Variants in DYSF observed in about 807,000 individuals in gnomAD.
DYSF encodes the protein dystrophy-associated fer-1-like 1.
DYSF carries 212 observed loss-of-function variants against 274.9 expected under a neutral mutation model. The observed-to-expected ratio is 0.77, with a 90% CI of 0.69 to 0.86. The LOEUF (loss-of-function observed/expected upper bound fraction) is 0.86. Ranked by LOEUF, DYSF falls within the 40% of genes least tolerant of loss-of-function variation. DYSF has a pLI of 0.00. For synonymous variants in DYSF, 1,091 were observed against 1,078.7 expected (o/e 1.01, Z -0.22); for missense variants, 2,666 against 2,783.2 (o/e 0.96, Z 0.95).
In DYSF at chr2:71,513,747, GGGACTCACT is replaced by G; in HGVS notation, c.589_597del (p.Leu197_Gly199del). The G allele has an allele frequency of 6.2e-7, 1 of 1,614,158 alleles. No homozygotes were observed. Among genetic ancestry groups the G allele is most frequent in the South Asian group, 1.1e-5 (1 of 91,090 alleles). ...GAGGAGAGGAAGACACAGAGGACCA[GGGACTCACT>G]GGAGATGAGGCGGAGCCATTCCTGG... On this transcript the variant is annotated inframe_deletion, in exon 7 of 56. Coordinates refer to ENST00000410020, the MANE Select transcript of DYSF (RefSeq NM_001130987.2).
rs1408080885 is a variant in DYSF at position 71,551,153 on chromosome 2, C to G, written c.1689C>G (p.Gly563=). The G allele has an allele frequency of 6.2e-7, 1 of 1,614,092 alleles. No individual in the cohort carries two copies. The highest frequency in any genetic ancestry group is 1.7e-5 in the Admixed American group (1 of 60,028). Residue 563 remains glycine (G), a synonymous_variant, in exon 18 of 56, where the codon GGC becomes GGG. Transcript: ENST00000410020. ...ACCCCTACACAGAGCTCAACACAGG[C>G]AAGGTAAGCCGGCTGGAGCCCTGGC... ...FPDPYTELNT[G]KGEGVAYRGR...
At chr2:71,652,839 G>A (rs779910811) in intron 42 of DYSF, among the ~76,000 whole-genome samples, 27 of 152,182 alleles carry the variant, frequency 1.8e-4, no homozygotes, top group Admixed American at 7.9e-4. Flanking sequence ...AAAAGGAGGC[G>A]TGAGCATTTG....
chr2:71,589,101 C>T (rs952853886), intron 30 of DYSF, among the ~76,000 whole-genome samples: 4 of 152,222 alleles, frequency 2.6e-5, no homozygotes, highest in Non-Finnish European at 4.4e-5. Context: ...CTTGCTCACC[C>T]TCAGCAGAGT....
At chr2:71,531,758 G>A (rs1351204041) in intron 14 of DYSF, among the ~76,000 whole-genome samples, 1 of 152,124 alleles carries the variant, frequency 6.6e-6, no homozygotes, top group African/African-American at 2.4e-5. Flanking sequence ...GCTGTGATGT[G>A]TTTTATGGAG....
chr2:71,616,115 CT>C (rs975352530), intron 40 of DYSF, among the ~76,000 whole-genome samples: 1 of 152,194 alleles, frequency 6.6e-6, no homozygotes, highest in African/African-American at 2.4e-5. Context: ...ACCGGAGACC[CT>C]TGCCTGATGT....
At chr2:71,519,668 G>T (rs1477503793) in intron 10 of DYSF, among the ~76,000 whole-genome samples, 1 of 151,766 alleles carries the variant, frequency 6.6e-6, no homozygotes, top group Non-Finnish European at 1.5e-5. Context: ...TTTTGAGACG[G>T]ATTTTTGCTC....
At chr2:71,546,024 G>A (rs900739813) in intron 17 of DYSF, among the ~76,000 whole-genome samples, 2 of 152,134 alleles carry the variant, frequency 1.3e-5, no homozygotes, top group African/African-American at 4.8e-5. Context: ...CTTGATTTAA[G>A]TGGCAGTAAA....
chr2:71,608,597 C>A (rs1574321859), intron 36 of DYSF, among the ~76,000 whole-genome samples: 1 of 152,308 alleles, frequency 6.6e-6, no homozygotes, highest in East Asian at 1.9e-4. Context: ...TGCCTTCTTC[C>A]TCCAGGGCCT....
intron 14 of DYSF, among the ~76,000 whole-genome samples, chr2:71,533,514 T>C (rs1433441942): frequency 6.6e-6 from 1 of 152,232 alleles, no homozygotes; most frequent in Admixed American, 6.5e-5. Context: ...CTGCTTTCCA[T>C]TGGTGGACAC....
chr2:71,463,659 G>A (rs528308290), upstream of DYSF, among the ~76,000 whole-genome samples: 168 of 152,334 alleles, frequency 1.1e-3, 1 homozygote, highest in African/African-American at 3.7e-3. Flanking sequence ...TGTCCATGAT[G>A]TCTGCTATGT....
intron 40 of DYSF, among the ~76,000 whole-genome samples, chr2:71,618,446 A>G (rs1574397544): frequency 3.8e-5 from 2 of 52,192 alleles, no homozygotes; most frequent in African/African-American, 8.0e-5. Flanking sequence ...TGTGTGTGGT[A>G]GAGGTGGGGT....
intron 3 of DYSF, among the ~76,000 whole-genome samples, chr2:71,496,597 A>T (rs889285405): frequency 2.6e-5 from 4 of 152,044 alleles, no homozygotes. Context: ...ACCTGGCCCT[A>T]TGGTGCTTAG....
At chr2:71,592,124 G>C (rs1050497146) in intron 32 of DYSF, among the ~76,000 whole-genome samples, 1 of 152,178 alleles carries the variant, frequency 6.6e-6, no homozygotes, top group Non-Finnish European at 1.5e-5. Flanking sequence ...TGCCGGGAGC[G>C]GGTTTGTGAG....
At chr2:71,642,136 TG>T (rs2094495694) in intron 41 of DYSF, among the ~76,000 whole-genome samples, 1 of 152,220 alleles carries the variant, frequency 6.6e-6, no homozygotes, top group Non-Finnish European at 1.5e-5. Flanking sequence ...ACTCACTGGT[TG>T]GTTGTCTGTC....
chr2:71,492,371 T>C (rs769215158), intron 3 of DYSF, among the ~76,000 whole-genome samples: 103 of 152,320 alleles, frequency 6.8e-4, no homozygotes, highest in Middle Eastern at 3.4e-3. Context: ...CTGTATGGCA[T>C]GTGTCTCCTT....
Position 71,664,263 on chromosome 2 carries a change from T to G in DYSF, c.5004-5T>G, listed in dbSNP as rs1228699996. 1 of 1,614,030 alleles carries G rather than the reference T, an allele frequency of 6.2e-7. No homozygotes were observed. Among genetic ancestry groups the G allele is most frequent in the East Asian group, 2.2e-5 (1 of 44,872 alleles). ...GCTGACATCGGGAATCTGCCCCTCC[T>G]GCAGGATGTTCGAGCTGACCTGCAC... On this transcript the variant is annotated splice_region_variant and splice_polypyrimidine_tract_variant and intron_variant, in intron 45 of 55. Transcript: ENST00000410020.
intron 30 of DYSF, among the ~76,000 whole-genome samples, chr2:71,589,211 A>T (rs1037767615): frequency 6.6e-6 from 1 of 152,226 alleles, no homozygotes; most frequent in Non-Finnish European, 1.5e-5. Context: ...GGACCCAGAG[A>T]TGCTAGCCTG....
intron 17 of DYSF, among the ~76,000 whole-genome samples, chr2:71,541,139 T>G (rs1559113391): frequency 1.3e-5 from 2 of 152,194 alleles, no homozygotes; most frequent in Non-Finnish European, 2.9e-5. Context: ...TATGCTGGCT[T>G]TGTAAAATTA....
intron 30 of DYSF, among the ~76,000 whole-genome samples, chr2:71,582,246 A>G (rs1365644548): frequency 6.6e-6 from 1 of 152,092 alleles, no homozygotes; most frequent in African/African-American, 2.4e-5. Context: ...CCACGAAGTC[A>G]AAAGTAGTTA....
Sources: gnomAD v4.1 joint callset for allele counts (sites outside exome capture counted in the v4.1 genomes callset) on GRCh38, gnomAD v4.1.1 for gene constraint, MANE v1.5 for transcripts, NCBI Gene and HGNC (gene_info 2026-07-23, HGNC 2026-07-21) for gene names.